Variants in SCN2A observed in about 807,000 individuals in gnomAD.
SCN2A encodes sodium voltage-gated channel alpha subunit 2.
SCN2A carries 20 observed loss-of-function variants against 188.7 expected under a neutral mutation model. The observed-to-expected ratio is 0.11, with a 90% CI of 0.07 to 0.15. The LOEUF (loss-of-function observed/expected upper bound fraction) is 0.15. Among genes scored for constraint, SCN2A ranks in the 10% least tolerant of loss-of-function variants. The probability of loss-of-function intolerance (pLI) is 1.00; values close to 1 mark genes in which losing one functional copy is unlikely to be tolerated. For missense variants in SCN2A, 1,278 were observed against 2,445.0 expected, an observed-to-expected ratio of 0.52 and a Z score of 10.07; for synonymous variants, 804 against 833.1, an observed-to-expected ratio of 0.97 and a Z score of 0.60.
chr2:165,276,495 G>A (rs1695350856), intron 1 of SCN2A, among the ~76,000 whole-genome samples: 1 of 152,138 alleles, frequency 6.6e-6, no homozygotes, highest in Non-Finnish European at 1.5e-5. Context: ...CATTCTTGGT[G>A]CTAAAAAATG....
chr2:165,316,524 A>G (rs898158577), intron 11 of SCN2A, among the ~76,000 whole-genome samples: 2 of 152,188 alleles, frequency 1.3e-5, no homozygotes, highest in Admixed American at 1.3e-4. Context: ...AGACATTTTC[A>G]CCAGGAGTGA....
intron 16 of SCN2A, among the ~76,000 whole-genome samples, chr2:165,346,997 G>C (rs924009835): frequency 1.3e-5 from 2 of 152,194 alleles, no homozygotes; most frequent in Non-Finnish European, 2.9e-5. Flanking sequence ...GTTGGTGGGA[G>C]TGTAAACTAG....
chr2:165,332,246 C>T (rs1698728927), intron 14 of SCN2A, among the ~76,000 whole-genome samples: 1 of 151,750 alleles, frequency 6.6e-6, no homozygotes, highest in African/African-American at 2.4e-5. Flanking sequence ...GATAAATGAA[C>T]ATATAAGCAG....
intron 23 of SCN2A, among the ~76,000 whole-genome samples, chr2:165,379,782 G>T (rs1356548689): frequency 2.6e-5 from 4 of 151,632 alleles, no homozygotes; most frequent in Admixed American, 6.6e-5. Context: ...TCATAACACA[G>T]TGGGTTATAA....
At position 165,331,432 on chromosome 2, in the gene SCN2A, T is replaced by C. The variant is rs1293377815; in HGVS notation, c.2252T>C (p.Leu751Pro). 1 of 1,613,860 alleles carries C rather than the reference T, an allele frequency of 6.2e-7. No homozygotes were observed. Reference protein sequence around the residue: ...CCKPWLKVKHLVNLVVMDPFV... With the variant: ...CCKPWLKVKHPVNLVVMDPFV... ...AAACCATGGTTAAAGGTGAAACACC[T>C]TGTCAACCTGGTTGTAATGGACCCA... Residue 751 changes from leucine to proline, a missense_variant, in exon 14 of 27, where the codon CTT becomes CCT. By Grantham distance (98) the Leu-to-Pro change is moderately conservative (BLOSUM62 -3). This residue lies in a region of SCN2A where 315 missense variants were observed against 386.6 expected (regional missense o/e 0.81). Coordinates refer to ENST00000375437, the MANE Select transcript of SCN2A (RefSeq NM_001040142.2).
chr2:165,246,243 G>A (rs1204230203), intron 1 of SCN2A, among the ~76,000 whole-genome samples: 3 of 152,102 alleles, frequency 2.0e-5, no homozygotes, highest in African/African-American at 7.2e-5. Flanking sequence ...CAAGAACACT[G>A]GAATTTTCTC....
chr2:165,287,123 C>A (rs1051074972), intron 1 of SCN2A, among the ~76,000 whole-genome samples: 3 of 152,112 alleles, frequency 2.0e-5, no homozygotes, highest in Non-Finnish European at 2.9e-5. Context: ...AGAGCAGGAA[C>A]AAAAGGAAGT....
At chr2:165,345,038 C>G in intron 16 of SCN2A, 127 bp downstream of exon 16, 4 of 1,159,266 alleles carry the variant, frequency 3.5e-6, no homozygotes, top group Non-Finnish European at 5.0e-6. Flanking sequence ...TTACTCATGA[C>G]TGTAAGAGCC....
At chr2:165,377,026 A>G (rs1360152028) in intron 22 of SCN2A, among the ~76,000 whole-genome samples, 1 of 152,042 alleles carries the variant, frequency 6.6e-6, no homozygotes, top group Non-Finnish European at 1.5e-5. Context: ...CAGAAAACAA[A>G]TATTTAAAAA....
intron 17 of SCN2A, among the ~76,000 whole-genome samples, chr2:165,364,923 G>A (rs963913253): frequency 3.3e-5 from 5 of 151,856 alleles, no homozygotes; most frequent in Admixed American, 6.6e-5. Context: ...AGTTATTTCC[G>A]TTGTTAGCAC....
intron 1 of SCN2A, chr2:165,285,695 T>C (rs960378273): frequency 3.0e-5 from 7 of 232,110 alleles, no homozygotes; most frequent in Non-Finnish European, 5.7e-5. Context: ...CGAAGTAACC[T>C]CTCAGCTCTA....
Position 165,380,487 on chromosome 2 carries a change from T to C in SCN2A, c.4309-105T>C, listed in dbSNP as rs1223013931. 8 of 852,068 alleles carry C rather than the reference T, an allele frequency of 9.4e-6. No individual in the cohort carries two copies. In the Admixed American group the frequency reaches 1.2e-4, roughly 13 times the overall value. The allele number at this position is 852,068 out of a possible 1,614,324, so 52.8% of individuals were successfully genotyped here. On this transcript the variant is annotated intron_variant, in intron 23 of 26. Transcript: ENST00000375437. The stretch of plus-strand genomic sequence containing the variant: ...AAATCTGTTTAGTGTTTGGTTTATT[T>C]TCATTCCAGAGATTAAAACATGCTT...
chr2:165,239,966 C>A (rs1024743043), intron 1 of SCN2A: 2 of 152,118 alleles, frequency 1.3e-5, no homozygotes, highest in African/African-American at 4.8e-5. Context: ...ATGCAGTGAA[C>A]AAATTGTAGA....
intron 12 of SCN2A, among the ~76,000 whole-genome samples, chr2:165,326,047 T>C (rs1039921644): frequency 2.0e-5 from 3 of 152,212 alleles, no homozygotes; most frequent in Non-Finnish European, 4.4e-5. Context: ...CAGACCTGCA[T>C]TTGAAATTCT....
intron 1 of SCN2A, among the ~76,000 whole-genome samples, chr2:165,263,980 G>A (rs926597328): frequency 3.3e-5 from 5 of 151,610 alleles, no homozygotes; most frequent in Non-Finnish European, 7.4e-5. Context: ...CTACTGAGTT[G>A]GGTACATTAA....
intron 1 of SCN2A, among the ~76,000 whole-genome samples, chr2:165,292,693 G>C (rs180768266): frequency 6.6e-6 from 1 of 152,070 alleles, no homozygotes; most frequent in Non-Finnish European, 1.5e-5. Flanking sequence ...AATTGATACC[G>C]GTGCCTGTTT....
intron 16 of SCN2A, among the ~76,000 whole-genome samples, chr2:165,346,060 G>C (rs1467358620): frequency 2.6e-5 from 4 of 152,100 alleles, no homozygotes; most frequent in African/African-American, 7.2e-5. Context: ...GGCTTGTAGG[G>C]TTTCTGCCGA....
At chr2:165,296,944 T>C in intron 2 of SCN2A, 73 bp from the exon 3 acceptor site, 1 of 813,668 alleles carries the variant, frequency 1.2e-6, no homozygotes, top group Admixed American at 2.1e-5. Context: ...TAAATAATGG[T>C]TTTACTTTTC....
intron 1 of SCN2A, among the ~76,000 whole-genome samples, chr2:165,282,835 A>C (rs1695639911): frequency 6.6e-6 from 1 of 152,202 alleles, no homozygotes; most frequent in African/African-American, 2.4e-5. Flanking sequence ...AGAGGAGGTG[A>C]GAAATGATTG....
Sources: gnomAD v4.1 joint callset for allele counts (sites outside exome capture counted in the v4.1 genomes callset) on GRCh38, gnomAD v4.1.1 for gene constraint, gnomAD v4.1.1 regional missense constraint, MANE v1.5 for transcripts, NCBI Gene and HGNC (gene_info 2026-07-23, HGNC 2026-07-21) for gene names.